The following P4HA2 variants were observed in gnomAD, a reference collection of about 807,000 sequenced individuals.
The protein encoded by P4HA2 is prolyl 4-hydroxylase subunit alpha-2.
P4HA2 carries 46 observed loss-of-function variants against 76.9 expected under a neutral mutation model. The ratio of observed to expected loss-of-function variants is 0.60; its 90% CI spans 0.47 to 0.76. The LOEUF (loss-of-function observed/expected upper bound fraction) is 0.76. Among genes scored for constraint, P4HA2 ranks in the 30% least tolerant of loss-of-function variants. P4HA2 has a pLI of 0.00. For synonymous variants in P4HA2, 243 were observed against 254.0 expected (o/e 0.96, Z 0.41); for missense variants, 583 against 669.4 (o/e 0.87, Z 1.42).
At chr5:132,227,693 C>T (rs143158453) in intron 1 of P4HA2, 97 bp downstream of exon 1, 2,680 of 152,664 alleles carry the variant, frequency 0.018, 48 homozygotes, top group Non-Finnish European at 0.027. Flanking sequence ...CGGCCCCTAA[C>T]TCTCAGCCCC....
At chr5:132,209,732 G>T (rs1409310156) in intron 6 of P4HA2, among the ~76,000 whole-genome samples, 1 of 136,650 alleles carries the variant, frequency 7.3e-6, no homozygotes, top group Non-Finnish European at 1.5e-5. Context: ...CTGAGATCGT[G>T]CCACTGCTCT....
intron 7 of P4HA2, 23 bp from the exon 8 acceptor site, chr5:132,207,907 C>T (rs1205072738): frequency 1.3e-6 from 2 of 1,533,680 alleles, no homozygotes. Context: ...GAGTAACAGG[C>T]CCTGAGCTGA....
chr5:132,205,959 C>T (rs1486448046), intron 8 of P4HA2, among the ~76,000 whole-genome samples: 1 of 152,164 alleles, frequency 6.6e-6, no homozygotes, highest in African/African-American at 2.4e-5. Context: ...TCCCCACAGG[C>T]CAAGTTAAGC....
Position 132,203,822 on chromosome 5 carries a change from G to A in P4HA2, c.1177C>T (p.Pro393Ser), listed in dbSNP as rs1263521984. 1.2e-6 allele frequency: 2 copies of A among 1,613,510 alleles called. No homozygotes were observed. Among genetic ancestry groups the A allele is most frequent in the Non-Finnish European group, 8.5e-7 (1 of 1,179,552 alleles). Residue 393 changes from proline (P) to serine (S), a missense_variant, in exon 10 of 15, where the codon CCT becomes TCT. By Grantham distance (74) the Pro-to-Ser change is moderately conservative. Coordinates refer to ENST00000360568, the MANE Select transcript of P4HA2 (RefSeq NM_001017974.2). ...CGACGATTTACTCGGGCCACAACAG[G>A]GTCATCATCTTCCTCTAGCCAGGAG... ...KSSWLEEDDD[P>S]VVARVNRRMQ...
intron 10 of P4HA2, chr5:132,202,512 T>C (rs1050984451): frequency 6.6e-6 from 1 of 152,122 alleles, no homozygotes; most frequent in African/African-American, 2.4e-5. Context: ...ATACAGAAAC[T>C]TTGGCCAAAC....
Position 132,206,170 on chromosome 5 carries a change from T to C in P4HA2, c.1080+1538A>G, listed in dbSNP as rs560521699. ...CCAGCCACACACATGTGTACACATA[T>C]GCACACATGCACAGAGAAATGTTCT... On this transcript the variant is annotated intron_variant, in intron 8 of 14. Transcript: ENST00000360568. Among the ~76,000 whole-genome samples the C allele has an allele frequency of 3.3e-5, 5 of 152,324 alleles. No individual in the cohort carries two copies. In the South Asian group the frequency reaches 6.2e-4, roughly 19 times the overall value.
At chr5:132,213,870 T>C (rs761060290) in intron 5 of P4HA2, 46 bp downstream of exon 5, 1 of 1,604,032 alleles carries the variant, frequency 6.2e-7, no homozygotes, top group South Asian at 1.1e-5. Context: ...GTCCCGCCAC[T>C]AAAGAGACAC....
chr5:132,209,037 A>G (rs1253851267), intron 7 of P4HA2, 101 bp downstream of exon 7: 1 of 815,924 alleles, frequency 1.2e-6, no homozygotes, highest in African/African-American at 1.7e-5. Context: ...TATACTGAGA[A>G]AAGTACCTAC....
At chr5:132,220,659 T>A (rs1207900144) in intron 1 of P4HA2, among the ~76,000 whole-genome samples, 1 of 152,238 alleles carries the variant, frequency 6.6e-6, no homozygotes, top group East Asian at 1.9e-4. Flanking sequence ...GGTTTCTTCA[T>A]TACATGAATA....
chr5:132,195,393 C>A lies in P4HA2; in HGVS notation c.1434+19G>T. On this transcript the variant is annotated intron_variant, in intron 13 of 14. Coordinates refer to ENST00000360568, the MANE Select transcript of P4HA2 (RefSeq NM_001017974.2). ...CTGAGCCTTGCTTCAACCTCTGACC[C>A]ACAAGAATCAGAACTTACCTTCTTA... is the stretch of plus-strand genomic sequence containing the variant. 6.3e-7 allele frequency: 1 copy of A among 1,583,548 alleles called. No homozygotes were observed. Among genetic ancestry groups the A allele is most frequent in the Non-Finnish European group, 8.7e-7 (1 of 1,152,146 alleles).
rs1750003441 is a variant in P4HA2 at position 132,192,490 on chromosome 5, A to C, written c.*520T>G. Reference sequence around the variant, plus strand: ...AAACCAGGTCTGAAATCCAAGACCCAAGATGCTTTTTTGCTGCTAAAGCAT... The same window carrying C: ...AAACCAGGTCTGAAATCCAAGACCCCAGATGCTTTTTTGCTGCTAAAGCAT... On this transcript the variant is annotated 3_prime_UTR_variant, in exon 15 of 15. Coordinates refer to ENST00000360568, the MANE Select transcript of P4HA2 (RefSeq NM_001017974.2). 1 of 152,938 alleles carries C rather than the reference A, an allele frequency of 6.5e-6. No homozygotes were observed. The highest frequency in any genetic ancestry group is 1.5e-5 in the Non-Finnish European group (1 of 68,194). The allele number at this position is 152,938 out of a possible 1,614,324, so 9.5% of individuals were successfully genotyped here. A position where few individuals can be genotyped will look rare whatever the true frequency, so the allele number is the denominator to read the frequency against.
At chr5:132,212,572 G>C (rs540435610) in intron 5 of P4HA2, among the ~76,000 whole-genome samples, 1 of 152,130 alleles carries the variant, frequency 6.6e-6, no homozygotes, top group Non-Finnish European at 1.5e-5. Flanking sequence ...CATGAAGTTC[G>C]AGAAGTCCAT....
chr5:132,208,549 C>T (rs1174621254), intron 7 of P4HA2, among the ~76,000 whole-genome samples: 1 of 151,590 alleles, frequency 6.6e-6, no homozygotes, highest in African/African-American at 2.4e-5. Context: ...ACCTCACATC[C>T]TCAAGTCCCA....
intron 13 of P4HA2, 167 bp downstream of exon 13, chr5:132,195,245 C>T: frequency 1.5e-6 from 1 of 661,656 alleles, no homozygotes; most frequent in Non-Finnish European, 2.7e-6. Context: ...GACTTCCCTC[C>T]CTGTCCTTTC....
At position 132,218,638 on chromosome 5, in the gene P4HA2, G is replaced by C. The variant is rs1252708974; in HGVS notation, c.-12C>G. 1 of 1,604,824 alleles carries C rather than the reference G, an allele frequency of 6.2e-7. No individual in the cohort carries two copies. The highest frequency in any genetic ancestry group is 1.3e-5 in the African/African-American group (1 of 74,752). The stretch of plus-strand genomic sequence containing the variant: ...ACCCAGAGTTTCATGGTCACAGAGG[G>C]AAGTGTCTGAAAGGCATTCAATGAC... On this transcript the variant is annotated 5_prime_UTR_variant, in exon 2 of 15. Transcript: ENST00000360568.
intron 6 of P4HA2, among the ~76,000 whole-genome samples, chr5:132,210,071 A>G (rs1459325719): frequency 6.6e-6 from 1 of 152,232 alleles, no homozygotes. Flanking sequence ...GAGCGTATCT[A>G]TCAGCGACTG....
At chr5:132,209,399 A>T in intron 6 of P4HA2, 68 bp from the exon 7 acceptor site, 1 of 1,280,932 alleles carries the variant, frequency 7.8e-7, no homozygotes, top group East Asian at 2.3e-5. Context: ...TAGAGAAATT[A>T]TTCTGTAAGG....
chr5:132,217,957 C>T, intron 2 of P4HA2, 109 bp from the exon 3 acceptor site: 1 of 667,760 alleles, frequency 1.5e-6, no homozygotes, highest in Non-Finnish European at 2.7e-6. Flanking sequence ...GGGATAAGAA[C>T]ATGTCAGCTC....
At chr5:132,214,649 C>T (rs1269148971) in intron 4 of P4HA2, among the ~76,000 whole-genome samples, 1 of 152,122 alleles carries the variant, frequency 6.6e-6, no homozygotes, top group African/African-American at 2.4e-5. Flanking sequence ...TCATCCCCCT[C>T]CCCCTAGGTT....
Sources: allele counts gnomAD v4.1 joint callset (sites outside exome capture counted in the v4.1 genomes callset), GRCh38; gene constraint gnomAD v4.1.1; transcripts MANE v1.5; gene names NCBI Gene and HGNC (gene_info 2026-07-23, HGNC 2026-07-21).